GIGYF2: variants seen among roughly 807,000 people sequenced by gnomAD.
GIGYF2 encodes the protein GRB10 interacting GYF protein 2.
A neutral mutation model predicts 208.1 loss-of-function variants in GIGYF2; 25 were observed. The ratio of observed to expected loss-of-function variants is 0.12; its 90% CI spans 0.09 to 0.17. The LOEUF (loss-of-function observed/expected upper bound fraction) is 0.17. GIGYF2 is among the 10% of genes least tolerant of loss of function. GIGYF2 has a pLI of 1.00. For missense variants in GIGYF2, 1,302 were observed against 1,579.4 expected (o/e 0.82, Z 2.98); for synonymous variants, 534 against 543.8 (o/e 0.98, Z 0.25).
chr2:232,785,071 A>G (rs1411046921), intron 8 of GIGYF2, among the ~76,000 whole-genome samples: 2 of 150,664 alleles, frequency 1.3e-5, no homozygotes, highest in East Asian at 3.9e-4. Flanking sequence ...CCACGAGCCA[A>G]ATAAACAACT....
intron 8 of GIGYF2, among the ~76,000 whole-genome samples, chr2:232,772,921 T>G (rs1192713089): frequency 1.3e-5 from 2 of 152,152 alleles, no homozygotes; most frequent in Admixed American, 1.3e-4. Flanking sequence ...GTTGTTGGAA[T>G]TGGATATTGG....
chr2:232,854,125 AATAAAGTAG>A (rs1286072872), intron 28 of GIGYF2, among the ~76,000 whole-genome samples: 1 of 152,214 alleles, frequency 6.6e-6, no homozygotes, highest in African/African-American at 2.4e-5. Flanking sequence ...TCTGCCTCAG[AATAAAGTAG>A]TATTTTATTT....
At chr2:232,808,852 C>G (rs969945410) in intron 15 of GIGYF2, among the ~76,000 whole-genome samples, 1 of 151,998 alleles carries the variant, frequency 6.6e-6, no homozygotes. Flanking sequence ...TTTTCTAATT[C>G]ATGATGTATT....
At chr2:232,807,532 T>A (rs567250410) in intron 15 of GIGYF2, among the ~76,000 whole-genome samples, 5 of 152,078 alleles carry the variant, frequency 3.3e-5, no homozygotes, top group South Asian at 4.2e-4. Context: ...CAAAAAAAAA[T>A]AATAAAAGGA....
chr2:232,752,452 T>C (rs1453408782), intron 5 of GIGYF2, among the ~76,000 whole-genome samples: 1 of 152,220 alleles, frequency 6.6e-6, no homozygotes, highest in African/African-American at 2.4e-5. Context: ...GTATCAAATA[T>C]AGTGAGAAAA....
At position 232,756,237 on chromosome 2, in the gene GIGYF2, G is replaced by A. The variant is rs565399435; in HGVS notation, c.282G>A (p.Met94Ile). The change falls in exon 6 of 29, where the codon ATG becomes ATA. Residue 94 changes from methionine (M) to isoleucine (I), a missense_variant. By Grantham distance (10) the Met-to-Ile change is conservative (BLOSUM62 1). Transcript: ENST00000373563. The stretch of plus-strand genomic sequence containing the variant: ...TTTTTTGGCAGAGAAACTTTTCCAT[G>A]TCTGTAAATAGTGCTGCTGTCCTGC... The part of the protein sequence containing the change: ...FTEEEQRNFS[M>I]SVNSAAVLRL... 1.7e-5 allele frequency: 18 copies of A among 1,028,810 alleles called. No homozygotes were observed. Among genetic ancestry groups the A allele is most frequent in the Middle Eastern group, 3.6e-4 (1 of 2,796 alleles). 63.7% of individuals were successfully genotyped at this position (1,028,810 alleles called of 1,614,324 possible).
intron 3 of GIGYF2, among the ~76,000 whole-genome samples, chr2:232,737,339 C>T (rs1192006681): frequency 6.6e-6 from 1 of 152,158 alleles, no homozygotes; most frequent in Non-Finnish European, 1.5e-5. Flanking sequence ...TTGAGGTAGC[C>T]TTAAACAGAG....
At chr2:232,706,430 G>T (rs1359644092) in intron 2 of GIGYF2, among the ~76,000 whole-genome samples, 6 of 152,120 alleles carry the variant, frequency 3.9e-5, no homozygotes, top group African/African-American at 1.4e-4. Flanking sequence ...GATCACTTGA[G>T]CCCAGGAGTT....
chr2:232,759,505 G>A (rs1004751646), intron 6 of GIGYF2, among the ~76,000 whole-genome samples: 1 of 151,992 alleles, frequency 6.6e-6, no homozygotes, highest in African/African-American at 2.4e-5. Context: ...TGACCCTAAC[G>A]GTGCAGCTAT....
intron 8 of GIGYF2, chr2:232,768,851 A>T (rs1490844836): frequency 1.3e-6 from 2 of 1,537,812 alleles, no homozygotes; most frequent in East Asian, 2.3e-5. Context: ...TAGAATGAAG[A>T]CTTTAAATAT....
chr2:232,744,151 T>TA, intron 3 of GIGYF2, among the ~76,000 whole-genome samples: 2 of 152,314 alleles, frequency 1.3e-5, no homozygotes, highest in South Asian at 4.1e-4. Context: ...TGGCCTGTGT[T>TA]ACTCTTAATA....
At chr2:232,715,091 A>G (rs919295143) in intron 2 of GIGYF2, among the ~76,000 whole-genome samples, 1 of 152,174 alleles carries the variant, frequency 6.6e-6, no homozygotes, top group Admixed American at 6.5e-5. Flanking sequence ...AGTTCCATCC[A>G]TGTTCCTGCA....
intron 21 of GIGYF2, among the ~76,000 whole-genome samples, chr2:232,831,085 C>T (rs772973934): frequency 1.3e-5 from 2 of 152,174 alleles, no homozygotes; most frequent in Non-Finnish European, 2.9e-5. Flanking sequence ...CACATCAAAT[C>T]AAGGGGTACA....
intron 13 of GIGYF2, 75 bp downstream of exon 13, chr2:232,795,019 A>G (rs190381395): frequency 5.5e-6 from 6 of 1,096,810 alleles, no homozygotes; most frequent in Non-Finnish European, 8.5e-6. Flanking sequence ...TGAATATTCA[A>G]ACATAAAACT....
chr2:232,704,170 A>G (rs554213941), intron 2 of GIGYF2, among the ~76,000 whole-genome samples: 22 of 152,274 alleles, frequency 1.4e-4, no homozygotes, highest in African/African-American at 5.1e-4. Flanking sequence ...CCCACTCCTA[A>G]TGGTGGGGGC....
intron 8 of GIGYF2, among the ~76,000 whole-genome samples, chr2:232,774,171 A>G (rs1381323453): frequency 6.6e-6 from 1 of 152,058 alleles, no homozygotes; most frequent in Non-Finnish European, 1.5e-5. Context: ...TAAGTGGTGG[A>G]TATGAATATT....
chr2:232,782,210 A>ATT (rs199750142), intron 8 of GIGYF2, among the ~76,000 whole-genome samples: 1 of 151,502 alleles, frequency 6.6e-6, no homozygotes, highest in African/African-American at 2.4e-5. Flanking sequence ...TTTTTAAAAA[A>ATT]TTTTTTTTTA....
chr2:232,793,417 G>A (rs1471016815), intron 12 of GIGYF2, among the ~76,000 whole-genome samples: 3 of 152,104 alleles, frequency 2.0e-5, no homozygotes, highest in Non-Finnish European at 2.9e-5. Context: ...AGAGGGAAGA[G>A]CCAAAGAGGA....
intron 22 of GIGYF2, among the ~76,000 whole-genome samples, chr2:232,834,284 G>A (rs1389864308): frequency 6.6e-6 from 1 of 152,138 alleles, no homozygotes; most frequent in Non-Finnish European, 1.5e-5. Context: ...CATGGAGTCA[G>A]TCATTCTCAG....
Sources: gnomAD v4.1 joint callset for allele counts (sites outside exome capture counted in the v4.1 genomes callset) on GRCh38, gnomAD v4.1.1 for gene constraint, MANE v1.5 for transcripts, NCBI Gene and HGNC (gene_info 2026-07-23, HGNC 2026-07-21) for gene names.